The following KCNQ1 variants were observed in gnomAD, a reference collection of about 807,000 sequenced individuals.
KCNQ1 encodes potassium voltage-gated channel subfamily Q member 1.
A neutral mutation model predicts 72.4 loss-of-function variants in KCNQ1; 49 were observed. The observed-to-expected ratio is 0.68, with a 90% CI of 0.54 to 0.86. The LOEUF (loss-of-function observed/expected upper bound fraction) is 0.86, where lower values mean the gene tolerates loss of function less well. Among genes scored for constraint, KCNQ1 ranks in the 40% least tolerant of loss-of-function variants. The pLI, the probability that KCNQ1 is intolerant of heterozygous loss-of-function variation, is 0.00. For synonymous variants in KCNQ1, 450 were observed against 412.6 expected (o/e 1.09, Z -1.10); for missense variants, 790 against 945.1 (o/e 0.84, Z 2.15).
At chr11:2,576,676 A>T (rs1331365937) in intron 6 of KCNQ1, among the ~76,000 whole-genome samples, 1 of 152,214 alleles carries the variant, frequency 6.6e-6, no homozygotes, top group Non-Finnish European at 1.5e-5. Context: ...CTCCCTGGCA[A>T]CGCTGCACCC....
chr11:2,819,845 T>G (rs977966210), intron 15 of KCNQ1, among the ~76,000 whole-genome samples: 1 of 152,236 alleles, frequency 6.6e-6, no homozygotes, highest in Admixed American at 6.5e-5. Flanking sequence ...TAAGCCACTT[T>G]TGGTATTTTT....
intron 15 of KCNQ1, among the ~76,000 whole-genome samples, chr11:2,800,241 A>G (rs1380592710): frequency 1.3e-5 from 2 of 152,166 alleles, no homozygotes; most frequent in African/African-American, 4.8e-5. Context: ...GCTCCATCCC[A>G]GTGGCCTGAG....
Position 2,611,727 on chromosome 11 carries a change from A to C in KCNQ1, c.1393+22873A>C, listed in dbSNP as rs1848982034. 2.5e-6 allele frequency: 1 copy of C among 398,406 alleles called. No individual in the cohort carries two copies. The highest frequency in any genetic ancestry group is 1.3e-4 in the South Asian group (1 of 7,858). The allele number at this position is 398,406 out of a possible 1,614,324, so 24.7% of individuals were successfully genotyped here. ...TATGTAATATAATTATTGATATGGA[A>C]GGATTTATATCTACCATGTTGTTAT... On this transcript the variant is annotated intron_variant, in intron 10 of 15. Coordinates refer to ENST00000155840, the MANE Select transcript of KCNQ1 (RefSeq NM_000218.3). This position sits in a 1 kb window ranked among gnomAD's most constrained non-coding sequence, Gnocchi z 5.3.
intron 15 of KCNQ1, among the ~76,000 whole-genome samples, chr11:2,846,448 T>C (rs1462884890): frequency 6.6e-6 from 1 of 152,208 alleles, no homozygotes; most frequent in Non-Finnish European, 1.5e-5. Flanking sequence ...GGGGCTCTCC[T>C]GCAAGAACAC....
chr11:2,607,329 G>A (rs991169898), intron 10 of KCNQ1, among the ~76,000 whole-genome samples: 1 of 152,100 alleles, frequency 6.6e-6, no homozygotes, highest in Non-Finnish European at 1.5e-5. Context: ...ATGCTTTTCT[G>A]TGTCTTTTAT....
chr11:2,849,063 C>T lies in KCNQ1; in HGVS notation c.*1060C>T. 2.2e-6 allele frequency: 1 copy of T among 454,074 alleles called. No homozygotes were observed. Among genetic ancestry groups the T allele is most frequent in the East Asian group, 6.9e-5 (1 of 14,398 alleles). 28.1% of individuals were successfully genotyped at this position (454,074 alleles called of 1,614,324 possible). A position where few individuals can be genotyped will look rare whatever the true frequency, so the allele number is the denominator to read the frequency against. On this transcript the variant is annotated 3_prime_UTR_variant, in exon 16 of 16. Coordinates refer to ENST00000155840, the MANE Select transcript of KCNQ1 (RefSeq NM_000218.3). ...GGGTCTCTCACAGACAGGACCCCTG[C>T]AGTTCCCCTGGAAGCAGTGCCCAGG...
intron 10 of KCNQ1, chr11:2,660,932 A>G (rs747400588): frequency 1.8e-5 from 7 of 398,556 alleles, no homozygotes; most frequent in Non-Finnish European, 3.1e-5. Context: ...CTGAATGTCC[A>G]TGATATACAG....
Position 2,661,860 on chromosome 11 carries a change from C to T in KCNQ1, c.1394-101C>T. On this transcript the variant is annotated intron_variant, in intron 10 of 15. Coordinates refer to ENST00000155840, the MANE Select transcript of KCNQ1 (RefSeq NM_000218.3). This position sits in a 1 kb window ranked among gnomAD's most constrained non-coding sequence, Gnocchi z 5.9. ...CAGGGCTGGAGCTTCCAGGCACAAG[C>T]TCCACTCCTCACCTGGCCCTGGGAG... is the stretch of plus-strand genomic sequence containing the variant. 1 of 1,472,742 alleles carries T rather than the reference C, an allele frequency of 6.8e-7. No individual in the cohort carries two copies. The allele number at this position is 1,472,742 out of a possible 1,614,324, so 91.2% of individuals were successfully genotyped here.
rs1456355603 is a variant in KCNQ1, at chr11:2,712,992, C to T, written c.1514+50911C>T. Reference sequence around the variant, plus strand: ...CAGGGGTCCTGGTAAGTATGAGGAACCAGAGACCTGGTAAGTATGAGGAAC... The same window carrying T: ...CAGGGGTCCTGGTAAGTATGAGGAATCAGAGACCTGGTAAGTATGAGGAAC... On this transcript the variant is annotated intron_variant, in intron 11 of 15. Transcript: ENST00000155840. This position sits in a 1 kb window ranked among gnomAD's most constrained non-coding sequence, Gnocchi z 6.4. 6.6e-6 allele frequency among the ~76,000 whole-genome samples: 1 copy of T among 152,152 alleles called. No homozygotes were observed. Among genetic ancestry groups the T allele is most frequent in the Non-Finnish European group, 1.5e-5 (1 of 68,028 alleles).
At position 2,674,385 on chromosome 11, in the gene KCNQ1, G is replaced by A. The variant is rs973446128; in HGVS notation, c.1514+12304G>A. ...AAGAGCAGCTTCCTGCTTAGGGAAG[G>A]TGCATGCGTGCGTGTGTGTGTGCGC... On this transcript the variant is annotated intron_variant, in intron 11 of 15. Transcript: ENST00000155840. This position sits in a 1 kb window ranked among gnomAD's most constrained non-coding sequence, Gnocchi z 5.9. 10 of 398,276 alleles carry A rather than the reference G, an allele frequency of 2.5e-5. No individual in the cohort carries two copies. The East Asian group carries it at 2.9e-4, about 11-fold the overall frequency. The allele number at this position is 398,276 out of a possible 1,614,324, so 24.7% of individuals were successfully genotyped here.
In KCNQ1 at chr11:2,827,985, A is replaced by T. The variant is rs1847873848; in HGVS notation, c.1795-19782A>T. Among the ~76,000 whole-genome samples, 1 of 152,236 alleles carries T rather than the reference A, an allele frequency of 6.6e-6. No individual in the cohort carries two copies. ...GTCCAAGCCAGGCACCACCGGGCAC[A>T]TAGAGGTCTTGAAAGCTCGAATGTG... On this transcript the variant is annotated intron_variant, in intron 15 of 15. Coordinates refer to ENST00000155840, the MANE Select transcript of KCNQ1 (RefSeq NM_000218.3). The surrounding 1 kb of genome is among the most constrained non-coding windows in gnomAD (Gnocchi z 6.7).
intron 2 of KCNQ1, among the ~76,000 whole-genome samples, chr11:2,530,533 A>G (rs1589932812): frequency 6.6e-6 from 1 of 152,206 alleles, no homozygotes; most frequent in Admixed American, 6.5e-5. Context: ...GTGTGTGTAC[A>G]TGTGTGTATG....
intron 11 of KCNQ1, among the ~76,000 whole-genome samples, chr11:2,727,593 C>T (rs1412657779): frequency 6.6e-6 from 1 of 152,194 alleles, no homozygotes; most frequent in African/African-American, 2.4e-5. Flanking sequence ...GGAGCAGACA[C>T]CCCGGATCCG....
At chr11:2,823,579 C>CCAGCCCAGG (rs957749798) in intron 15 of KCNQ1, among the ~76,000 whole-genome samples, 3 of 152,206 alleles carry the variant, frequency 2.0e-5, no homozygotes, top group African/African-American at 4.8e-5. Flanking sequence ...CTACAGGCCT[C>CCAGCCCAGG]CAGCCCAGGC....
Position 2,579,097 on chromosome 11 carries a change from C to T in KCNQ1, c.922-4338C>T, listed in dbSNP as rs1044983601. Reference sequence around the variant, plus strand: ...CTTCCTTCTGGGCAAATGACTACCACGTTTCCAGCCGGGGCCAGTGAGCTC... The same window carrying T: ...CTTCCTTCTGGGCAAATGACTACCATGTTTCCAGCCGGGGCCAGTGAGCTC... On this transcript the variant is annotated intron_variant, in intron 6 of 15. Transcript: ENST00000155840. The surrounding 1 kb of genome is among the most constrained non-coding windows in gnomAD (Gnocchi z 6.0). Among the ~76,000 whole-genome samples, 3 of 152,206 alleles carry T rather than the reference C, an allele frequency of 2.0e-5. No homozygotes were observed. The highest frequency in any genetic ancestry group is 2.1e-4 in the South Asian group (1 of 4,838).
chr11:2,476,565 G>A (rs1037697400), intron 1 of KCNQ1, among the ~76,000 whole-genome samples: 11 of 152,156 alleles, frequency 7.2e-5, no homozygotes, highest in Admixed American at 2.6e-4. Flanking sequence ...GGTTCTTTTT[G>A]GGAGGTGATT....
Position 2,600,471 on chromosome 11 carries a change from A to T in KCNQ1, c.1393+11617A>T, listed in dbSNP as rs904022635. 6.6e-6 allele frequency among the ~76,000 whole-genome samples: 1 copy of T among 152,216 alleles called. No homozygotes were observed. The highest frequency in any genetic ancestry group is 1.5e-5 in the Non-Finnish European group (1 of 68,034). ...TTATCATTTGAACCCCTTTCTCTAC[A>T]TTATATTCACATAACATGTTTTTCT... On this transcript the variant is annotated intron_variant, in intron 10 of 15. Transcript: ENST00000155840. This position sits in a 1 kb window ranked among gnomAD's most constrained non-coding sequence, Gnocchi z 5.6.
At chr11:2,469,591 A>G (rs1405306042) in intron 1 of KCNQ1, among the ~76,000 whole-genome samples, 5 of 151,778 alleles carry the variant, frequency 3.3e-5, no homozygotes, top group Non-Finnish European at 7.4e-5. Flanking sequence ...ATGTTTCTAT[A>G]TTCTGGACCA....
In KCNQ1 at chr11:2,463,913, C is replaced by T. The variant is rs374432334; in HGVS notation, c.386+18429C>T. On this transcript the variant is annotated intron_variant, in intron 1 of 15. Transcript: ENST00000155840. The surrounding 1 kb of genome is among the most constrained non-coding windows in gnomAD (Gnocchi z 7.0). ...TGGATCAGGGGGAAGGTTCTCCCCA[C>T]GGTGTGAGGCAGCACCGAGGGCTCC... Among the ~76,000 whole-genome samples the T allele has an allele frequency of 7.5e-4, 114 of 152,318 alleles. No individual in the cohort carries two copies. Among genetic ancestry groups the T allele is most frequent in the African/African-American group, 2.5e-3 (106 of 41,574 alleles).
Sources: allele counts gnomAD v4.1 joint callset (sites outside exome capture counted in the v4.1 genomes callset), GRCh38; gene constraint gnomAD v4.1.1; non-coding constraint Gnocchi (gnomAD v3.1); transcripts MANE v1.5; gene names NCBI Gene and HGNC (gene_info 2026-07-23, HGNC 2026-07-21).